PCSK2: variants seen among roughly 807,000 people sequenced by gnomAD.
PCSK2 encodes proprotein convertase subtilisin/kexin type 2, also known as neuroendocrine convertase 2.
Under a neutral mutation model 69.7 loss-of-function variants are expected in PCSK2, and 14 were observed. The observed-to-expected ratio is 0.20, with a 90% CI of 0.13 to 0.31. The LOEUF is 0.31. PCSK2 is among the 10% of genes least tolerant of loss of function. The probability of loss-of-function intolerance (pLI) is 1.00; values close to 1 mark genes in which losing one functional copy is unlikely to be tolerated. For missense variants in PCSK2, 544 were observed against 842.5 expected, an observed-to-expected ratio of 0.65 and a Z score of 4.39; for synonymous variants, 307 against 320.7, an observed-to-expected ratio of 0.96 and a Z score of 0.46.
intron 11 of PCSK2, among the ~76,000 whole-genome samples, chr20:17,469,382 C>G (rs140520423): frequency 6.6e-6 from 1 of 152,240 alleles, no homozygotes; most frequent in East Asian, 1.9e-4. Context: ...TATTTTGCAG[C>G]CTTAACAACA....
intron 5 of PCSK2, among the ~76,000 whole-genome samples, chr20:17,404,108 G>T (rs115373789): frequency 2.6e-5 from 4 of 152,152 alleles, no homozygotes; most frequent in Non-Finnish European, 4.4e-5. Context: ...TGGGGGTGGT[G>T]CACATGGCTT....
At chr20:17,469,763 A>G (rs757181913) in intron 11 of PCSK2, among the ~76,000 whole-genome samples, 5 of 152,158 alleles carry the variant, frequency 3.3e-5, no homozygotes, top group African/African-American at 7.2e-5. Context: ...GGTCAAGGGC[A>G]TGCTAAATGT....
At chr20:17,458,943 A>G (rs2032968288) in intron 10 of PCSK2, among the ~76,000 whole-genome samples, 1 of 151,488 alleles carries the variant, frequency 6.6e-6, no homozygotes, top group Admixed American at 6.6e-5. Flanking sequence ...CTCTCATATG[A>G]CCTGGTGCTT....
intron 4 of PCSK2, among the ~76,000 whole-genome samples, chr20:17,364,755 C>T (rs1254712604): frequency 6.6e-6 from 1 of 152,092 alleles, no homozygotes; most frequent in Non-Finnish European, 1.5e-5. Flanking sequence ...GCACAAGAAT[C>T]TGGGAAGAGC....
intron 2 of PCSK2, among the ~76,000 whole-genome samples, chr20:17,342,371 G>A (rs1600506127): frequency 6.6e-6 from 1 of 152,156 alleles, no homozygotes; most frequent in East Asian, 1.9e-4. Flanking sequence ...AGACTGGAGT[G>A]CAGTGGCGTA....
At chr20:17,255,112 G>A (rs553478290) in intron 1 of PCSK2, among the ~76,000 whole-genome samples, 2 of 152,170 alleles carry the variant, frequency 1.3e-5, no homozygotes, top group Non-Finnish European at 1.5e-5. Flanking sequence ...TCTGCAAATA[G>A]AGATAGTTTT....
At chr20:17,395,145 T>C (rs941370972) in intron 5 of PCSK2, among the ~76,000 whole-genome samples, 1 of 152,232 alleles carries the variant, frequency 6.6e-6, no homozygotes, top group Non-Finnish European at 1.5e-5. Context: ...CACGACACTC[T>C]ATTTGCATCT....
intron 5 of PCSK2, among the ~76,000 whole-genome samples, chr20:17,370,980 C>A (rs1258555709): frequency 1.3e-5 from 2 of 152,222 alleles, no homozygotes; most frequent in Non-Finnish European, 2.9e-5. Flanking sequence ...CCACCCTCTG[C>A]AGACAGAGGC....
At chr20:17,402,780 C>T (rs1328334599) in intron 5 of PCSK2, among the ~76,000 whole-genome samples, 1 of 151,922 alleles carries the variant, frequency 6.6e-6, no homozygotes, top group African/African-American at 2.4e-5. Context: ...TAGTGAACCC[C>T]GTCTCTACTA....
At chr20:17,243,952 A>AT (rs1469589092) in intron 1 of PCSK2, among the ~76,000 whole-genome samples, 1 of 152,102 alleles carries the variant, frequency 6.6e-6, no homozygotes, top group African/African-American at 2.4e-5. Flanking sequence ...TTTGGGCCAG[A>AT]TTTTTTATTT....
At chr20:17,449,680 A>T (rs1008387632) in intron 8 of PCSK2, among the ~76,000 whole-genome samples, 5 of 151,774 alleles carry the variant, frequency 3.3e-5, no homozygotes, top group Non-Finnish European at 5.9e-5. Context: ...GGCATGCACC[A>T]CCACGCTCAG....
intron 7 of PCSK2, among the ~76,000 whole-genome samples, chr20:17,433,893 C>G (rs1355178460): frequency 1.2e-4 from 12 of 103,436 alleles, no homozygotes; most frequent in Admixed American, 9.5e-5. Context: ...TCCTCCCCCC[C>G]CCTTCCTACT....
intron 5 of PCSK2, among the ~76,000 whole-genome samples, chr20:17,385,808 T>G (rs2031219647): frequency 6.6e-6 from 1 of 152,120 alleles, no homozygotes. Flanking sequence ...CAACAGGAGC[T>G]CAGTTCTGCT....
intron 10 of PCSK2, among the ~76,000 whole-genome samples, chr20:17,458,365 C>G (rs1172660171): frequency 6.6e-6 from 1 of 152,092 alleles, no homozygotes; most frequent in Non-Finnish European, 1.5e-5. Flanking sequence ...AGTCTAATCC[C>G]GAGTGTAAAT....
At chr20:17,257,595 G>C (rs537978460) in intron 1 of PCSK2, among the ~76,000 whole-genome samples, 33 of 152,350 alleles carry the variant, frequency 2.2e-4, no homozygotes, top group African/African-American at 7.9e-4. Context: ...TGACAGGGCA[G>C]AGGTTTTCTT....
chr20:17,389,742 G>GA (rs2031327958), intron 5 of PCSK2, among the ~76,000 whole-genome samples: 1 of 152,186 alleles, frequency 6.6e-6, no homozygotes, highest in African/African-American at 2.4e-5. Context: ...TTCCTTTATG[G>GA]AAAATCCTAT....
At chr20:17,283,545 G>T (rs1362735215) in intron 2 of PCSK2, among the ~76,000 whole-genome samples, 1 of 152,174 alleles carries the variant, frequency 6.6e-6, no homozygotes, top group East Asian at 1.9e-4. Context: ...TGCTGAGGCT[G>T]GGCTTCCATA....
intron 5 of PCSK2, among the ~76,000 whole-genome samples, chr20:17,388,782 T>C (rs1054033419): frequency 1.3e-5 from 2 of 152,044 alleles, no homozygotes; most frequent in Admixed American, 6.6e-5. Context: ...GCATGCAGCG[T>C]TGATCTGGAA....
intron 7 of PCSK2, among the ~76,000 whole-genome samples, chr20:17,433,949 A>G (rs1442421507): frequency 1.3e-5 from 1 of 78,962 alleles, no homozygotes; most frequent in African/African-American, 5.2e-5. Context: ...CTCTCTCTCT[A>G]CCTTCTCTCT....
Sources: allele counts gnomAD v4.1 joint callset (sites outside exome capture counted in the v4.1 genomes callset), GRCh38; gene constraint gnomAD v4.1.1; transcripts MANE v1.5; gene names NCBI Gene and HGNC (gene_info 2026-07-23, HGNC 2026-07-21).